RAP1GDS1: variants seen among roughly 807,000 people sequenced by gnomAD.
RAP1GDS1 encodes the protein RAP1, GTP-GDP dissociation stimulator 1.
Under a neutral mutation model 71.1 loss-of-function variants are expected in RAP1GDS1, and 35 were observed. The ratio of observed to expected loss-of-function variants is 0.49; its 90% CI spans 0.38 to 0.65. The LOEUF is 0.65. Ranked by LOEUF, RAP1GDS1 falls within the 30% of genes least tolerant of loss-of-function variation. The pLI is 0.00. For synonymous variants in RAP1GDS1, 229 were observed against 243.1 expected, an observed-to-expected ratio of 0.94 and a Z score of 0.54; for missense variants, 663 against 706.1, an observed-to-expected ratio of 0.94 and a Z score of 0.69.
At chr4:98,429,121 G>A (rs1750025330) in intron 12 of RAP1GDS1, among the ~76,000 whole-genome samples, 1 of 152,142 alleles carries the variant, frequency 6.6e-6, no homozygotes, top group Admixed American at 6.5e-5. Context: ...AGCCAGGCAT[G>A]GTGGCGGGCG....
intron 4 of RAP1GDS1, among the ~76,000 whole-genome samples, chr4:98,367,530 C>T (rs1739681797): frequency 6.6e-6 from 1 of 152,210 alleles, no homozygotes; most frequent in Non-Finnish European, 1.5e-5. Flanking sequence ...CAACAGCTTG[C>T]ACCAGGCACC....
chr4:98,441,954 T>C, intron 14 of RAP1GDS1, 36 bp from the exon 15 acceptor site: 2 of 1,609,294 alleles, frequency 1.2e-6, no homozygotes, highest in Non-Finnish European at 1.7e-6. Context: ...TAGAACAACC[T>C]AACAGAATCA....
In RAP1GDS1 at chr4:98,350,962, T is replaced by A. The variant is rs78369645; in HGVS notation, c.236-1514T>A. ...GGAGTTCGAGGCTACAGTGAGCCAT[T>A]ATCATGCCATTACATTCCAGTCTGG... On this transcript the variant is annotated intron_variant, in intron 3 of 14. Coordinates refer to ENST00000408927, the MANE Select transcript of RAP1GDS1 (RefSeq NM_001100427.2). Among the ~76,000 whole-genome samples the A allele has an allele frequency of 3.7e-3, 561 of 152,308 alleles. 4 individuals carry two copies. Among genetic ancestry groups the A allele is most frequent in the African/African-American group, 0.012 (518 of 41,560 alleles).
intron 12 of RAP1GDS1, among the ~76,000 whole-genome samples, chr4:98,423,429 A>G (rs1375131124): frequency 1.3e-5 from 2 of 152,246 alleles, no homozygotes; most frequent in African/African-American, 4.8e-5. Flanking sequence ...TTATATACCA[A>G]GTTAAGATAT....
intron 1 of RAP1GDS1, among the ~76,000 whole-genome samples, chr4:98,278,271 A>G (rs564152190): frequency 6.6e-6 from 1 of 152,314 alleles, no homozygotes; most frequent in East Asian, 1.9e-4. Flanking sequence ...TCTTTTAGGC[A>G]GGGTATGAGG....
At chr4:98,278,154 G>A (rs752617698) in intron 1 of RAP1GDS1, among the ~76,000 whole-genome samples, 1 of 152,060 alleles carries the variant, frequency 6.6e-6, no homozygotes, top group Non-Finnish European at 1.5e-5. Context: ...AGCCAAGATA[G>A]AGCCACCGCA....
intron 14 of RAP1GDS1, among the ~76,000 whole-genome samples, chr4:98,439,292 T>A (rs944444984): frequency 6.6e-6 from 1 of 152,200 alleles, no homozygotes; most frequent in African/African-American, 2.4e-5. Flanking sequence ...TCCATTGTGT[T>A]CTTATGTGTT....
chr4:98,421,659 G>A (rs2110194111), intron 12 of RAP1GDS1, among the ~76,000 whole-genome samples: 1 of 152,230 alleles, frequency 6.6e-6, no homozygotes, highest in South Asian at 2.1e-4. Flanking sequence ...CTTTGTGCCA[G>A]GCATTGACCA....
chr4:98,399,635 A>T (rs1465626163), intron 6 of RAP1GDS1, among the ~76,000 whole-genome samples: 1 of 152,178 alleles, frequency 6.6e-6, no homozygotes, highest in South Asian at 2.1e-4. Context: ...AAACAGATAC[A>T]TCTCAAAAGA....
At chr4:98,408,254 G>C (rs987800064) in intron 7 of RAP1GDS1, among the ~76,000 whole-genome samples, 9 of 152,136 alleles carry the variant, frequency 5.9e-5, no homozygotes, top group Admixed American at 1.3e-4. Context: ...GGCTTCTCAA[G>C]TAGGTGGGAT....
In RAP1GDS1 at chr4:98,433,953, T is replaced by C; in HGVS notation, c.1458T>C (p.Ile486=). 6.2e-7 allele frequency: 1 copy of C among 1,607,248 alleles called. No homozygotes were observed. The highest frequency in any genetic ancestry group is 8.5e-7 in the Non-Finnish European group (1 of 1,173,790). The part of the protein sequence containing the change: ...HSKSKDVIKT[I]VQSGGIKHLV... Reference sequence around the variant, plus strand: ...TATTGTAGGATGTAATTAAAACCATTGTGCAGAGTGGTGGCATCAAGCATC... The same window carrying C: ...TATTGTAGGATGTAATTAAAACCATCGTGCAGAGTGGTGGCATCAAGCATC... The change falls in exon 13 of 15, where the codon ATT becomes ATC. Residue 486 remains isoleucine (I), a synonymous_variant. Coordinates refer to ENST00000408927, the MANE Select transcript of RAP1GDS1 (RefSeq NM_001100427.2).
chr4:98,363,478 C>CAAAAA (rs34393905), intron 4 of RAP1GDS1, among the ~76,000 whole-genome samples: 2 of 37,730 alleles, frequency 5.3e-5, no homozygotes, highest in African/African-American at 2.0e-4. Context: ...GACCCTGTCT[C>CAAAAA]AAAAAAAAAA....
intron 5 of RAP1GDS1, among the ~76,000 whole-genome samples, chr4:98,388,772 T>C (rs2110121411): frequency 6.6e-6 from 1 of 152,262 alleles, no homozygotes; most frequent in Middle Eastern, 3.4e-3. Context: ...CACTGGTTCT[T>C]AAATTTTGGT....
At chr4:98,273,480 A>G (rs1232676196) in intron 1 of RAP1GDS1, among the ~76,000 whole-genome samples, 1 of 152,134 alleles carries the variant, frequency 6.6e-6, no homozygotes, top group Non-Finnish European at 1.5e-5. Context: ...TGATTAAAAA[A>G]TGAAAAGACT....
chr4:98,316,198 T>A (rs1430059596), intron 2 of RAP1GDS1, among the ~76,000 whole-genome samples: 1 of 152,130 alleles, frequency 6.6e-6, no homozygotes, highest in Non-Finnish European at 1.5e-5. Context: ...TTGAAATCAT[T>A]GGTCTTTTTT....
chr4:98,389,616 A>G lies in RAP1GDS1; in HGVS notation c.509-2336A>G, dbSNP rs559587588. ...TTCATGAATTATGGCAATACCTACAATGTGCCATTTGGCTATGCTAACTTT... is the reference window on the plus strand; with the variant it reads ...TTCATGAATTATGGCAATACCTACAGTGTGCCATTTGGCTATGCTAACTTT... On this transcript the variant is annotated intron_variant, in intron 5 of 14. Transcript: ENST00000408927. 3.5e-4 allele frequency among the ~76,000 whole-genome samples: 54 copies of G among 152,294 alleles called. 1 individual carries two copies. In the South Asian group the frequency reaches 0.011, roughly 31 times the overall value.
At chr4:98,427,926 C>G (rs1749842686) in intron 12 of RAP1GDS1, among the ~76,000 whole-genome samples, 1 of 152,120 alleles carries the variant, frequency 6.6e-6, no homozygotes, top group Non-Finnish European at 1.5e-5. Context: ...CAAAACAAAT[C>G]TGGAGGCATC....
At chr4:98,311,025 C>G (rs1033625164) in intron 2 of RAP1GDS1, among the ~76,000 whole-genome samples, 1 of 152,114 alleles carries the variant, frequency 6.6e-6, no homozygotes, top group African/African-American at 2.4e-5. Context: ...TAGGCCCTAT[C>G]CCCAGAGACT....
intron 4 of RAP1GDS1, among the ~76,000 whole-genome samples, chr4:98,353,202 C>G (rs1737474515): frequency 6.6e-6 from 1 of 152,124 alleles, no homozygotes; most frequent in Admixed American, 6.5e-5. Flanking sequence ...TTCTACTTCC[C>G]CTTTCTACAT....
Sources: gnomAD v4.1 joint callset for allele counts (sites outside exome capture counted in the v4.1 genomes callset) on GRCh38, gnomAD v4.1.1 for gene constraint, MANE v1.5 for transcripts, NCBI Gene and HGNC (gene_info 2026-07-23, HGNC 2026-07-21) for gene names.